ZSCAN32: variants seen among roughly 807,000 people sequenced by gnomAD.
ZSCAN32 encodes zinc finger and SCAN domain-containing protein 32.
In ZSCAN32, 52 loss-of-function variants were observed where a neutral mutation model predicts 47.4. The ratio of observed to expected loss-of-function variants is 1.10; its 90% CI spans 0.88 to 1.38. The LOEUF (loss-of-function observed/expected upper bound fraction) is 1.38, where lower values mean the gene tolerates loss of function less well. ZSCAN32 is among the 40% of genes most tolerant of loss of function. ZSCAN32 has a pLI of 0.00. For synonymous variants in ZSCAN32, 346 were observed against 305.7 expected (o/e 1.13, Z -1.38); for missense variants, 959 against 846.0 (o/e 1.13, Z -1.66).
chr16:3,393,861 T>C (rs570478878), intron 2 of ZSCAN32, 47 bp from the exon 3 acceptor site: 1 of 1,465,980 alleles, frequency 6.8e-7, no homozygotes, highest in South Asian at 1.3e-5. Context: ...CTGCCTAAGC[T>C]GGACTTTACA....
In ZSCAN32 at chr16:3,390,534, C is replaced by T. The variant is rs1298613862; in HGVS notation, c.533-17G>A. The T allele has an allele frequency of 6.5e-7, 1 of 1,545,758 alleles. No homozygotes were observed. The highest frequency in any genetic ancestry group is 8.7e-7 in the Non-Finnish European group (1 of 1,144,622). On this transcript the variant is annotated splice_polypyrimidine_tract_variant and intron_variant, in intron 3 of 6. Transcript: ENST00000396852. Reference sequence around the variant, plus strand: ...CAAGCCAGGCTGGGGGAAAAAACAGCCGCTATTAGAGGGCGGCTTCCACAC... The same window carrying T: ...CAAGCCAGGCTGGGGGAAAAAACAGTCGCTATTAGAGGGCGGCTTCCACAC...
chr16:3,398,021 A>G (rs2033539918), intron 1 of ZSCAN32, among the ~76,000 whole-genome samples: 1 of 152,220 alleles, frequency 6.6e-6, no homozygotes, highest in African/African-American at 2.4e-5. Flanking sequence ...GGGCCAAGCT[A>G]GCTTTGGGAG....
In ZSCAN32 at chr16:3,382,858, C is replaced by T. The variant is rs140391464; in HGVS notation, c.2088G>A (p.Ala696=). The T allele has an allele frequency of 1.4e-4, 225 of 1,557,716 alleles. No individual in the cohort carries two copies. Among genetic ancestry groups the T allele is most frequent in the Middle Eastern group, 1.7e-4 (1 of 5,744 alleles). The change falls in exon 7 of 7, where the codon GCG becomes GCA. Residue 696 remains alanine (A), a synonymous_variant. Transcript: ENST00000396852. ...TGACAGTTTACCGACACACTCATAA[C>T]GCATCTCTTCCTTCCTGTGATGAGA... ...AVLSSQEGRD[A]L
rs373934197 is a variant in ZSCAN32, at chr16:3,390,091, G to C, written c.670C>G (p.Gln224Glu). The C allele has an allele frequency of 1.2e-6, 2 of 1,613,766 alleles. No homozygotes were observed. Among genetic ancestry groups the C allele is most frequent in the Non-Finnish European group, 1.7e-6 (2 of 1,179,936 alleles). The change falls in exon 5 of 7, where the codon CAA becomes GAA. Residue 224 changes from glutamine to glutamate, a missense_variant. Coordinates refer to ENST00000396852, the MANE Select transcript of ZSCAN32 (RefSeq NM_001284527.2). ...GCAGGGCCTGGGCACATCCATTCTT[G>C]CTGACAGAGGGATACAGCTCTGTTG... is the stretch of plus-strand genomic sequence containing the variant. ...RDNRAVSLCQ[Q>E]EWMCPGPAQR...
intron 5 of ZSCAN32, among the ~76,000 whole-genome samples, chr16:3,386,562 C>G (rs1198662247): frequency 1.3e-5 from 2 of 152,112 alleles, no homozygotes; most frequent in African/African-American, 2.4e-5. Context: ...CAATGATAGA[C>G]TGGATTAAGA....
rs542471684 is a variant in ZSCAN32 at position 3,396,412 on chromosome 16, A to AT, written c.366+779dup. 2.9e-3 allele frequency among the ~76,000 whole-genome samples: 438 copies of AT among 152,276 alleles called. 1 individual carries two copies. The highest frequency in any genetic ancestry group is 0.017 in the Middle Eastern group (5 of 294). Reference sequence around the variant, plus strand: ...TACCTCCTCACTGGGAAACACAAGTATATCTGCTGCCTAGGGCCTTCCCAT... The same window carrying AT: ...TACCTCCTCACTGGGAAACACAAGTATTATCTGCTGCCTAGGGCCTTCCCAT... On this transcript the variant is annotated intron_variant, in intron 2 of 6. Transcript: ENST00000396852.
Position 3,383,699 on chromosome 16 carries a change from T to C in ZSCAN32, c.1247A>G (p.Lys416Arg), listed in dbSNP as rs746193477. Residue 416 changes from lysine to arginine, a missense_variant, in exon 7 of 7, where the codon AAG becomes AGG. Transcript: ENST00000396852. ...TAGATTTTCTTTTTTAATCTCGTTC[T>C]TGAACTCAAAACCTGAAAAAAAAAA... ...LFPNRLGFEFKNEIKKENLKW... is the reference protein window; with the variant it reads ...LFPNRLGFEFRNEIKKENLKW... 2 of 1,579,852 alleles carry C rather than the reference T, an allele frequency of 1.3e-6. No homozygotes were observed. The highest frequency in any genetic ancestry group is 1.2e-5 in the South Asian group (1 of 85,590).
intron 3 of ZSCAN32, among the ~76,000 whole-genome samples, 182 bp from the exon 4 acceptor site, chr16:3,390,699 CTCTGT>C (rs1171939174): frequency 6.6e-6 from 1 of 152,166 alleles, no homozygotes; most frequent in African/African-American, 2.4e-5. Context: ...GGGCCTAGGA[CTCTGT>C]TTTATCACTC....
Position 3,382,243 on chromosome 16 carries a change from T to A in ZSCAN32, c.*609A>T, listed in dbSNP as rs1567295476. The A allele has an allele frequency of 6.6e-6, 1 of 152,170 alleles. No homozygotes were observed. The highest frequency in any genetic ancestry group is 1.5e-5 in the Non-Finnish European group (1 of 68,020). 9.4% of individuals were successfully genotyped at this position (152,170 alleles called of 1,614,324 possible). ...ATGAGGGCAATAATAAAAGGAGAAA[T>A]CTTACAAAAAATTAACCTGGATGTT... On this transcript the variant is annotated 3_prime_UTR_variant, in exon 7 of 7. Coordinates refer to ENST00000396852, the MANE Select transcript of ZSCAN32 (RefSeq NM_001284527.2).
Position 3,382,992 on chromosome 16 carries a change from G to T in ZSCAN32, c.1954C>A (p.Arg652=). 6.2e-7 allele frequency: 1 copy of T among 1,614,040 alleles called. No homozygotes were observed. Among genetic ancestry groups the T allele is most frequent in the Non-Finnish European group, 8.5e-7 (1 of 1,179,972 alleles). ...FNNSSHFSAH[R]KTHTGEKPYR... ...GGCTTTTCACCAGTGTGGGTTTTTC[G>T]GTGGGCACTGAAGTGGGAGCTATTG... The change falls in exon 7 of 7, where the codon CGA becomes AGA. Residue 652 remains arginine, a synonymous_variant. Coordinates refer to ENST00000396852, the MANE Select transcript of ZSCAN32 (RefSeq NM_001284527.2).
rs201511674 is a variant in ZSCAN32 at position 3,383,073 on chromosome 16, G to A, written c.1873C>T (p.Arg625Cys). 1.1e-4 allele frequency: 172 copies of A among 1,613,958 alleles called. 1 individual carries two copies. The highest frequency in any genetic ancestry group is 1.5e-4 in the African/African-American group (11 of 74,894). The change falls in exon 7 of 7, where the codon CGC becomes TGC. Residue 625 changes from arginine (R) to cysteine (C), a missense_variant. By Grantham distance (180) the Arg-to-Cys change is radical. Coordinates refer to ENST00000396852, the MANE Select transcript of ZSCAN32 (RefSeq NM_001284527.2). Reference sequence around the variant, plus strand: ...TATGGGCTCTCCCCAGTGTGGATGCGCCGGTGAGCACTGAACTGGGAACTG... The same window carrying A: ...TATGGGCTCTCCCCAGTGTGGATGCACCGGTGAGCACTGAACTGGGAACTG... ...NNSSQFSAHR[R>C]IHTGESPYKC...
At position 3,383,400 on chromosome 16, in the gene ZSCAN32, T is replaced by A. The variant is rs775165912; in HGVS notation, c.1546A>T (p.Lys516Ter). The part of the protein sequence containing the change: ...SVHSPHKPAL[K>*]LEKVSQCPEC... ...GGACATTGAGATACTTTTTCCAGTT[T>A]GAGCGCTGGCTTGTGGGGAGAGTGC... The change falls in exon 7 of 7, where the codon AAA becomes TAA. Residue 516 changes from lysine (K) to a stop codon, truncating the protein, a stop_gained. Coordinates refer to ENST00000396852, the MANE Select transcript of ZSCAN32 (RefSeq NM_001284527.2). LOFTEE classifies it low-confidence loss of function (END_TRUNC). 3 of 1,614,192 alleles carry A rather than the reference T, an allele frequency of 1.9e-6. No homozygotes were observed. In the East Asian group the frequency reaches 6.7e-5, roughly 36 times the overall value.
In ZSCAN32 at chr16:3,397,232, A is replaced by C; in HGVS notation, c.326T>G (p.Val109Gly). The change falls in exon 2 of 7, where the codon GTG becomes GGG. Residue 109 changes from valine to glycine, a missense_variant. Val to Gly is a moderately radical substitution (Grantham distance 109). Transcript: ENST00000396852. ...TCTCTGTACATCCTCAACCAGAGCC[A>C]CAGCTTCCTCGCCGTTTTCTGGATG... ...EQHPENGEEA[V>G]ALVEDVQRAP... The C allele has an allele frequency of 6.4e-7, 1 of 1,558,270 alleles. No homozygotes were observed. Among genetic ancestry groups the C allele is most frequent in the Non-Finnish European group, 8.7e-7 (1 of 1,151,240 alleles).
chr16:3,397,835 C>A, intron 1 of ZSCAN32, 91 bp from the exon 2 acceptor site: 1 of 263,984 alleles, frequency 3.8e-6, no homozygotes, highest in Non-Finnish European at 7.1e-6. Flanking sequence ...TCCTTTACTC[C>A]CTCCACAAAT....
intron 5 of ZSCAN32, among the ~76,000 whole-genome samples, chr16:3,386,450 C>G (rs1229122692): frequency 6.6e-6 from 1 of 152,046 alleles, no homozygotes; most frequent in Non-Finnish European, 1.5e-5. Flanking sequence ...GGTGTATACC[C>G]AAAGGATTAT....
intron 6 of ZSCAN32, chr16:3,384,204 C>A (rs1448710184): frequency 3.4e-6 from 2 of 589,324 alleles, no homozygotes; most frequent in African/African-American, 3.7e-5. Context: ...AACCAGCAGT[C>A]TGACAATGCA....
At position 3,397,697 on chromosome 16, in the gene ZSCAN32, T is replaced by C. The variant is rs2033510249; in HGVS notation, c.-140A>G. ...CCGTGGGACATGAGAGTGTCAGACA[T>C]GTGTAGAGACTCACAGCGGAAAAAA... On this transcript the variant is annotated 5_prime_UTR_variant, in exon 2 of 7. It removes an upstream start codon present in the reference 5' UTR. Transcript: ENST00000396852. 1.2e-5 allele frequency: 14 copies of C among 1,163,800 alleles called. No individual in the cohort carries two copies. Among genetic ancestry groups the C allele is most frequent in the Middle Eastern group, 2.1e-4 (1 of 4,816 alleles). 72.1% of individuals were successfully genotyped at this position (1,163,800 alleles called of 1,614,324 possible). A position where few individuals can be genotyped will look rare whatever the true frequency, so the allele number is the denominator to read the frequency against.
At chr16:3,399,211 G>A (rs920549569) in intron 1 of ZSCAN32, among the ~76,000 whole-genome samples, 6 of 152,134 alleles carry the variant, frequency 3.9e-5, no homozygotes, top group Admixed American at 6.5e-5. Context: ...CAACAAGAGC[G>A]AGACTGTCTC....
intron 2 of ZSCAN32, among the ~76,000 whole-genome samples, chr16:3,394,931 C>A (rs2033224509): frequency 6.6e-6 from 1 of 152,224 alleles, no homozygotes; most frequent in African/African-American, 2.4e-5. Flanking sequence ...TCCTGCCTCA[C>A]AGCCTATCTC....
Sources: allele counts gnomAD v4.1 joint callset (sites outside exome capture counted in the v4.1 genomes callset), GRCh38; gene constraint gnomAD v4.1.1; transcripts MANE v1.5; gene names NCBI Gene and HGNC (gene_info 2026-07-23, HGNC 2026-07-21).